The following VPS13D variants were observed in gnomAD, a reference collection of about 807,000 sequenced individuals.
VPS13D encodes vacuolar protein sorting 13 homolog D.
VPS13D carries 187 observed loss-of-function variants against 461.9 expected under a neutral mutation model. The ratio of observed to expected loss-of-function variants is 0.40; its 90% confidence interval spans 0.36 to 0.46. The LOEUF (loss-of-function observed/expected upper bound fraction) is 0.46. VPS13D is among the 20% of genes least tolerant of loss of function. The pLI, the probability that VPS13D is intolerant of heterozygous loss-of-function variation, is 0.60. For missense variants in VPS13D, 4,711 were observed against 5,364.9 expected (o/e 0.88, Z 3.81); for synonymous variants, 1,951 against 1,986.3 (o/e 0.98, Z 0.47).
chr1:12,416,329 A>G (rs942688236), intron 64 of VPS13D, among the ~76,000 whole-genome samples: 7 of 152,062 alleles, frequency 4.6e-5, no homozygotes, highest in Non-Finnish European at 1.0e-4. Context: ...TTACTTCTCT[A>G]TTTGTAGGCA....
chr1:12,271,326 C>A (rs1008407368), intron 17 of VPS13D, among the ~76,000 whole-genome samples: 3 of 152,164 alleles, frequency 2.0e-5, no homozygotes, highest in Non-Finnish European at 4.4e-5. Context: ...AAATGAATGA[C>A]TGTGACTAGA....
At chr1:12,294,806 G>A (rs895910610) in intron 24 of VPS13D, among the ~76,000 whole-genome samples, 5 of 151,850 alleles carry the variant, frequency 3.3e-5, no homozygotes, top group East Asian at 3.9e-4. Context: ...GCGAGACTCC[G>A]TCTCAAAAAA....
At position 12,509,804 on chromosome 1, in the gene VPS13D, AC is replaced by A. The variant is rs1206166938; in HGVS notation, c.*782del. 1 of 152,268 alleles carries A rather than the reference AC, an allele frequency of 6.6e-6. No homozygotes were observed. The highest frequency in any genetic ancestry group is 1.9e-4 in the East Asian group (1 of 5,204). 9.4% of individuals were successfully genotyped at this position (152,268 alleles called of 1,614,324 possible). A position where few individuals can be genotyped will look rare whatever the true frequency, so the allele number is the denominator to read the frequency against. The stretch of plus-strand genomic sequence containing the variant: ...CTTAGGGGGAAACCTGTGCTCCATT[AC>A]CACATGGGTGCAAGTCAGCATTGTA... On this transcript the variant is annotated 3_prime_UTR_variant, in exon 70 of 70. Transcript: ENST00000620676.
intron 1 of VPS13D, among the ~76,000 whole-genome samples, chr1:12,231,930 G>A (rs1332778605): frequency 6.6e-6 from 1 of 152,202 alleles, no homozygotes; most frequent in Non-Finnish European, 1.5e-5. Context: ...GGCGGTTGCA[G>A]TGAGCCGAGA....
chr1:12,327,283 C>T (rs555773150), intron 35 of VPS13D, among the ~76,000 whole-genome samples: 40 of 152,276 alleles, frequency 2.6e-4, no homozygotes, highest in African/African-American at 8.2e-4. Flanking sequence ...TACCAAGTGG[C>T]GCCGTGTCTG....
At chr1:12,247,703 ATT>A (rs778720883) in intron 5 of VPS13D, among the ~76,000 whole-genome samples, 11 of 131,270 alleles carry the variant, frequency 8.4e-5, no homozygotes, top group Admixed American at 1.5e-4. Context: ...CTTTGCCACA[ATT>A]TTTTTTTTTT....
At chr1:12,406,258 A>G (rs1388423833) in intron 63 of VPS13D, among the ~76,000 whole-genome samples, 1 of 152,178 alleles carries the variant, frequency 6.6e-6, no homozygotes, top group Non-Finnish European at 1.5e-5. Flanking sequence ...GACTCATAAA[A>G]TAATGTCATT....
intron 65 of VPS13D, among the ~76,000 whole-genome samples, chr1:12,444,433 T>A (rs1356516859): frequency 1.3e-5 from 2 of 152,198 alleles, no homozygotes; most frequent in Non-Finnish European, 2.9e-5. Context: ...TTTGGGAAAC[T>A]CTTGGCCAGC....
At chr1:12,251,969 C>A (rs960404179) in intron 6 of VPS13D, among the ~76,000 whole-genome samples, 1 of 152,080 alleles carries the variant, frequency 6.6e-6, no homozygotes, top group Non-Finnish European at 1.5e-5. Context: ...AGGGAGAAAC[C>A]GTCCCATGCG....
intron 31 of VPS13D, 89 bp from the exon 32 acceptor site, chr1:12,319,408 G>A: frequency 6.4e-7 from 1 of 1,564,864 alleles, no homozygotes. Context: ...TTGTTGCCTG[G>A]TGGAAATGCG....
chr1:12,241,795 A>G (rs1640383898), intron 2 of VPS13D, among the ~76,000 whole-genome samples: 1 of 152,128 alleles, frequency 6.6e-6, no homozygotes, highest in East Asian at 1.9e-4. Context: ...TAATTGGATC[A>G]TAGACTTTTG....
chr1:12,246,121 G>A (rs1430009368), intron 5 of VPS13D, among the ~76,000 whole-genome samples: 1 of 152,192 alleles, frequency 6.6e-6, no homozygotes, highest in Admixed American at 6.5e-5. Context: ...GAGGGTGCAG[G>A]GAGGTGGAGT....
intron 66 of VPS13D, among the ~76,000 whole-genome samples, chr1:12,457,673 T>C (rs925243163): frequency 1.3e-5 from 2 of 152,224 alleles, no homozygotes; most frequent in Non-Finnish European, 2.9e-5. Flanking sequence ...AATATTATAT[T>C]TCTATTTGTG....
In VPS13D at chr1:12,495,343, G is replaced by T. The variant is rs546729428; in HGVS notation, c.12663-2157G>T. On this transcript the variant is annotated intron_variant, in intron 67 of 69. Transcript: ENST00000620676. The surrounding 1 kb of genome is among the most constrained non-coding windows in gnomAD (Gnocchi z 4.0). The stretch of plus-strand genomic sequence containing the variant: ...CAGCTAATTTTTTGTATTTTTAGTA[G>T]TATTTTTAGTTTCACCGTGTTAGCC... Among the ~76,000 whole-genome samples the T allele has an allele frequency of 3.3e-5, 5 of 151,878 alleles. No homozygotes were observed. Among genetic ancestry groups the T allele is most frequent in the African/African-American group, 7.3e-5 (3 of 41,348 alleles).
At chr1:12,446,901 A>G (rs1206729990) in intron 65 of VPS13D, among the ~76,000 whole-genome samples, 1 of 152,178 alleles carries the variant, frequency 6.6e-6, no homozygotes, top group Non-Finnish European at 1.5e-5. Flanking sequence ...TGTGATCCAC[A>G]TAACGGACAT....
chr1:12,495,116 C>T lies in VPS13D; in HGVS notation c.12663-2384C>T, dbSNP rs1391164044. Among the ~76,000 whole-genome samples the T allele has an allele frequency of 1.3e-5, 2 of 151,100 alleles. No homozygotes were observed. The highest frequency in any genetic ancestry group is 3.9e-4 in the East Asian group (2 of 5,156). On this transcript the variant is annotated intron_variant, in intron 67 of 69. Transcript: ENST00000620676. The surrounding 1 kb of genome is among the most constrained non-coding windows in gnomAD (Gnocchi z 4.0). ...CCACCTGGGATGGAAAGCAAATGTG[C>T]TTTGAGCAGATGACTGACTTGATGT...
chr1:12,459,948 ATTTTTTTT>A (rs779399019), intron 66 of VPS13D, among the ~76,000 whole-genome samples: 3 of 122,132 alleles, frequency 2.5e-5, no homozygotes, highest in African/African-American at 6.2e-5. Flanking sequence ...CTTTTCTCTG[ATTTTTTTT>A]TTTTTTTTTT....
chr1:12,497,766 C>A, intron 68 of VPS13D, 135 bp downstream of exon 68: 2 of 1,162,888 alleles, frequency 1.7e-6, no homozygotes, highest in Non-Finnish European at 2.3e-6. Context: ...ATTCCTTGCC[C>A]CAAATGTTTT....
chr1:12,288,356 G>T (rs1426560174), intron 22 of VPS13D, 43 bp downstream of exon 22: 1 of 1,534,678 alleles, frequency 6.5e-7, no homozygotes, highest in Non-Finnish European at 9.0e-7. Context: ...GCAAAATCTG[G>T]TCAGCATTTG....
Sources: allele counts gnomAD v4.1 joint callset (sites outside exome capture counted in the v4.1 genomes callset), GRCh38; gene constraint gnomAD v4.1.1; non-coding constraint Gnocchi (gnomAD v3.1); transcripts MANE v1.5; gene names NCBI Gene and HGNC (gene_info 2026-07-23, HGNC 2026-07-21).